DHX9: variants seen among roughly 807,000 people sequenced by gnomAD.
The protein encoded by DHX9 is DExH-box helicase 9, also known as ATP-dependent RNA helicase A.
In DHX9, 27 loss-of-function variants were observed where a neutral mutation model predicts 148.7. The ratio of observed to expected loss-of-function variants is 0.18; its 90% confidence interval spans 0.13 to 0.25. DHX9 has a LOEUF of 0.25. Ranked by LOEUF, DHX9 falls within the 10% of genes least tolerant of loss-of-function variation. The pLI is 1.00. For missense variants in DHX9, 796 were observed against 1,559.6 expected (o/e 0.51, Z 8.25); for synonymous variants, 529 against 516.6 (o/e 1.02, Z -0.33).
intron 14 of DHX9, among the ~76,000 whole-genome samples, chr1:182,868,298 A>T (rs927649940): frequency 6.6e-6 from 1 of 152,168 alleles, no homozygotes; most frequent in Non-Finnish European, 1.5e-5. Flanking sequence ...ATGCATATGA[A>T]ATTTTAGAAA....
chr1:182,846,223 G>A (rs188605362), intron 3 of DHX9, among the ~76,000 whole-genome samples: 11 of 151,692 alleles, frequency 7.3e-5, no homozygotes, highest in African/African-American at 2.7e-4. Flanking sequence ...AAATGGGATT[G>A]AAGACCAGAT....
intron 14 of DHX9, among the ~76,000 whole-genome samples, chr1:182,870,735 G>T (rs115070970): frequency 0.025 from 3,727 of 152,114 alleles, 100 homozygotes; most frequent in African/African-American, 0.062. Flanking sequence ...AATAAGCATC[G>T]TCTAGACAGT....
At chr1:182,851,721 G>T (rs1313590475) in intron 3 of DHX9, among the ~76,000 whole-genome samples, 2 of 152,122 alleles carry the variant, frequency 1.3e-5, no homozygotes, top group Admixed American at 6.6e-5. Context: ...CACATCTGAG[G>T]CAAAACCCTG....
At chr1:182,853,664 G>T (rs1401315265) in intron 5 of DHX9, among the ~76,000 whole-genome samples, 1 of 152,074 alleles carries the variant, frequency 6.6e-6, no homozygotes, top group African/African-American at 2.4e-5. Flanking sequence ...CTCCTCTTCA[G>T]CTTTATAGGA....
Position 182,849,576 on chromosome 1 carries a change from A to G in DHX9, c.253-2657A>G, listed in dbSNP as rs915890052. On this transcript the variant is annotated intron_variant, in intron 3 of 27. Transcript: ENST00000367549. The stretch of plus-strand genomic sequence containing the variant: ...TAGTGGGTGGAAGCCAAGGATGTTA[A>G]AAACTATGGTATTCAGAACAGCTTT... Among the ~76,000 whole-genome samples, 8 of 152,314 alleles carry G rather than the reference A, an allele frequency of 5.3e-5. No homozygotes were observed. In the East Asian group the frequency reaches 1.4e-3, roughly 26 times the overall value.
At chr1:182,851,920 C>T (rs1668157903) in intron 3 of DHX9, among the ~76,000 whole-genome samples, 1 of 152,062 alleles carries the variant, frequency 6.6e-6, no homozygotes, top group African/African-American at 2.4e-5. Flanking sequence ...AGGTAGTAAA[C>T]ACTACTAAAA....
At chr1:182,858,065 G>T in intron 7 of DHX9, 39 bp from the exon 8 acceptor site, 1 of 1,588,488 alleles carries the variant, frequency 6.3e-7, no homozygotes, top group Non-Finnish European at 8.6e-7. Flanking sequence ...TTACTCAGAT[G>T]ATTTCTTTCT....
chr1:182,878,509 A>G (rs1648926906), intron 20 of DHX9, among the ~76,000 whole-genome samples: 1 of 152,218 alleles, frequency 6.6e-6, no homozygotes, highest in South Asian at 2.1e-4. Context: ...AATATAAATA[A>G]TGCCTAACCC....
chr1:182,880,143 T>G (rs1649022446), intron 21 of DHX9, among the ~76,000 whole-genome samples: 2 of 152,190 alleles, frequency 1.3e-5, no homozygotes, highest in African/African-American at 4.8e-5. Context: ...ACTTCAGAAT[T>G]TTCTCTAGAT....
At chr1:182,847,684 A>G (rs1257315697) in intron 3 of DHX9, among the ~76,000 whole-genome samples, 1 of 152,188 alleles carries the variant, frequency 6.6e-6, no homozygotes, top group African/African-American at 2.4e-5. Flanking sequence ...CTTCAGGCCA[A>G]AAAGATGGTT....
At chr1:182,884,869 G>A in intron 27 of DHX9, 56 bp downstream of exon 27, 1 of 1,562,194 alleles carries the variant, frequency 6.4e-7, no homozygotes, top group Non-Finnish European at 8.8e-7. Context: ...TCTTATGTAG[G>A]CCTAGAATTC....
chr1:182,859,833 G>A (rs567117245), intron 11 of DHX9, among the ~76,000 whole-genome samples, 160 bp from the exon 12 acceptor site: 12 of 152,210 alleles, frequency 7.9e-5, no homozygotes, highest in South Asian at 2.1e-4. Context: ...GGCTGGTCTC[G>A]AACTCCTCAC....
intron 24 of DHX9, among the ~76,000 whole-genome samples, chr1:182,881,990 T>C (rs999583098): frequency 3.9e-5 from 6 of 152,234 alleles, no homozygotes; most frequent in African/African-American, 9.6e-5. Flanking sequence ...CTTGATGAGC[T>C]GTAGTACTTT....
Position 182,843,358 on chromosome 1 carries a change from G to T in DHX9, c.176G>T (p.Ser59Ile). 6.2e-7 allele frequency: 1 copy of T among 1,609,678 alleles called. No individual in the cohort carries two copies. Among genetic ancestry groups the T allele is most frequent in the Non-Finnish European group, 8.5e-7 (1 of 1,178,276 alleles). ...GNSTNKKDAQ[S>I]NAARDFVNYL... ...TCCACCAATAAAAAAGATGCACAAA[G>T]CAATGCTGCCAGAGACTTTGTTAAC... The change falls in exon 3 of 28, where the codon AGC (serine) becomes ATC (isoleucine). Residue 59 changes from serine (S) to isoleucine (I), a missense_variant. Ser to Ile is a moderately radical substitution (Grantham distance 142). Transcript: ENST00000367549.
intron 3 of DHX9, among the ~76,000 whole-genome samples, chr1:182,847,184 C>G (rs1486351375): frequency 6.6e-6 from 1 of 152,152 alleles, no homozygotes; most frequent in Non-Finnish European, 1.5e-5. Flanking sequence ...TCCTTGCCTA[C>G]TACTACTAAC....
intron 1 of DHX9, chr1:182,839,707 C>T (rs1487296578): frequency 1.3e-5 from 2 of 152,298 alleles, no homozygotes; most frequent in Admixed American, 6.5e-5. Flanking sequence ...CCGCTGCTGC[C>T]TCTAGCAGGC....
chr1:182,860,350 A>G (rs1668338283), intron 12 of DHX9, 166 bp downstream of exon 12: 3 of 553,652 alleles, frequency 5.4e-6, no homozygotes, highest in East Asian at 3.4e-5. Flanking sequence ...TCTAATCTCT[A>G]GTATGCTACA....
intron 20 of DHX9, among the ~76,000 whole-genome samples, 181 bp downstream of exon 20, chr1:182,878,354 T>A (rs1173550216): frequency 6.6e-6 from 1 of 152,210 alleles, no homozygotes; most frequent in Admixed American, 6.5e-5. Flanking sequence ...TAAGCCAGAT[T>A]TAGAAATATA....
chr1:182,883,729 A>G, intron 26 of DHX9, 94 bp downstream of exon 26: 2 of 783,330 alleles, frequency 2.6e-6, no homozygotes, highest in African/African-American at 1.8e-5. Flanking sequence ...TATACTAATT[A>G]TATCTAACTT....
Sources: allele counts gnomAD v4.1 joint callset (sites outside exome capture counted in the v4.1 genomes callset), GRCh38; gene constraint gnomAD v4.1.1; transcripts MANE v1.5; gene names NCBI Gene and HGNC (gene_info 2026-07-23, HGNC 2026-07-21).